Variants in COL28A1 observed in about 807,000 individuals in gnomAD.
COL28A1 encodes collagen alpha-1(XXVIII) chain.
COL28A1 carries 161 observed loss-of-function variants against 150.2 expected under a neutral mutation model. The ratio of observed to expected loss-of-function variants is 1.07; its 90% CI spans 0.94 to 1.22. The LOEUF (loss-of-function observed/expected upper bound fraction) is 1.22, where lower values mean the gene tolerates loss of function less well. COL28A1 is among the 50% of genes most tolerant of loss of function. The pLI is 0.00. For synonymous variants in COL28A1, 552 were observed against 469.7 expected, an observed-to-expected ratio of 1.18 and a Z score of -2.26; for missense variants, 1,617 against 1,388.3, an observed-to-expected ratio of 1.16 and a Z score of -2.62.
At chr7:7,446,620 A>G (rs1786282194) in intron 18 of COL28A1, among the ~76,000 whole-genome samples, 1 of 152,362 alleles carries the variant, frequency 6.6e-6, no homozygotes, top group African/African-American at 2.4e-5. Flanking sequence ...TGAGGCTTAT[A>G]AAGCCTTTTC....
intron 11 of COL28A1, among the ~76,000 whole-genome samples, chr7:7,497,094 A>G (rs200942341): frequency 0.063 from 7,788 of 123,346 alleles, 392 homozygotes; most frequent in African/African-American, 0.15. Context: ...AGGAAGGAAG[A>G]AAGGAAGGAA....
At chr7:7,514,995 A>ACCT (rs1781343606) in intron 8 of COL28A1, among the ~76,000 whole-genome samples, 1 of 151,944 alleles carries the variant, frequency 6.6e-6, no homozygotes, top group Non-Finnish European at 1.5e-5. Flanking sequence ...GGAAGCACAG[A>ACCT]CCTCCTGCAG....
chr7:7,403,192 TC>T (rs71010979), intron 27 of COL28A1, among the ~76,000 whole-genome samples: 23,353 of 151,982 alleles, frequency 0.15, 1,971 homozygotes, highest in African/African-American at 0.22. Context: ...AAGGGATCTT[TC>T]CAAGAAGAGG....
At chr7:7,353,799 T>G (rs1160179168), downstream of COL28A1, among the ~76,000 whole-genome samples, 1 of 152,114 alleles carries the variant, frequency 6.6e-6, no homozygotes, top group Non-Finnish European at 1.5e-5. Flanking sequence ...GAAATGTAAG[T>G]ACTTTTTCTC....
Position 7,380,322 on chromosome 7 carries a change from C to T in COL28A1, c.2322+338G>A, listed in dbSNP as rs551846773. ...AAAGAGTCCTCATTCTAAAATGAGA[C>T]GAACCACATAAATTAAAGTCATTTG... On this transcript the variant is annotated intron_variant, in intron 30 of 34. Coordinates refer to ENST00000399429, the MANE Select transcript of COL28A1 (RefSeq NM_001037763.3). Among the ~76,000 whole-genome samples the T allele has an allele frequency of 1.4e-4, 21 of 152,258 alleles. 1 individual carries two copies. The highest frequency in any genetic ancestry group is 1.2e-3 in the South Asian group (6 of 4,826).
Position 7,471,215 on chromosome 7 carries a change from A to G in COL28A1, c.1302+3386T>C, listed in dbSNP as rs192895764. Among the ~76,000 whole-genome samples the G allele has an allele frequency of 4.4e-3, 673 of 152,006 alleles. 5 individuals carry two copies. The highest frequency in any genetic ancestry group is 0.022 in the East Asian group (113 of 5,166). On this transcript the variant is annotated intron_variant, in intron 15 of 34. Transcript: ENST00000399429. ...TCTTAACAGACCAATAACAAGCAGT[A>G]AGACTGAAATGGTAATTTTAAAATT...
At chr7:7,401,737 T>C (rs933114081) in intron 27 of COL28A1, among the ~76,000 whole-genome samples, 4 of 152,160 alleles carry the variant, frequency 2.6e-5, no homozygotes, top group Admixed American at 2.6e-4. Context: ...TGTCCCCTTA[T>C]AGCCCATTTG....
intron 7 of COL28A1, 150 bp from the exon 8 acceptor site, chr7:7,515,990 T>G (rs1223545602): frequency 1.8e-6 from 1 of 549,852 alleles, no homozygotes; most frequent in African/African-American, 2.0e-5. Context: ...GTTCCACTTC[T>G]CTTTGTGCTT....
At chr7:7,418,275 C>A (rs914809259) in intron 26 of COL28A1, among the ~76,000 whole-genome samples, 1 of 152,194 alleles carries the variant, frequency 6.6e-6, no homozygotes. Context: ...CATATGAAAA[C>A]CACTGACATG....
chr7:7,473,452 C>T (rs55672023), intron 15 of COL28A1, among the ~76,000 whole-genome samples: 132 of 152,190 alleles, frequency 8.7e-4, no homozygotes, highest in African/African-American at 3.1e-3. Context: ...ACATCACTAA[C>T]GATCAGAGAA....
At chr7:7,372,340 A>G (rs1460719079) in intron 32 of COL28A1, among the ~76,000 whole-genome samples, 2 of 151,862 alleles carry the variant, frequency 1.3e-5, no homozygotes, top group Non-Finnish European at 2.9e-5. Flanking sequence ...CAGAGGTTGC[A>G]GTGAGCTGAG....
downstream of COL28A1, among the ~76,000 whole-genome samples, chr7:7,353,062 G>A (rs1780267431): frequency 6.6e-6 from 1 of 152,178 alleles, no homozygotes; most frequent in Non-Finnish European, 1.5e-5. Flanking sequence ...AGATCCCCAT[G>A]GAAAAGTAAA....
intron 31 of COL28A1, 97 bp downstream of exon 31, chr7:7,375,364 A>C: frequency 8.8e-7 from 1 of 1,138,292 alleles, no homozygotes; most frequent in South Asian, 2.6e-5. Context: ...CCCGCTAGCT[A>C]TATAATATAC....
chr7:7,466,142 C>T (rs1018509882), intron 15 of COL28A1, among the ~76,000 whole-genome samples: 9 of 132,900 alleles, frequency 6.8e-5, no homozygotes, highest in South Asian at 5.3e-4. Flanking sequence ...AGGCTTCAGA[C>T]GATCAAATTA....
At chr7:7,463,104 A>G (rs961708983) in intron 15 of COL28A1, among the ~76,000 whole-genome samples, 2 of 152,208 alleles carry the variant, frequency 1.3e-5, no homozygotes, top group Admixed American at 6.5e-5. Context: ...TTTGAAAAAT[A>G]TATTTGGAGG....
At chr7:7,474,056 C>CTCTATATATATGGAATATATATA (rs1554281215) in intron 15 of COL28A1, among the ~76,000 whole-genome samples, 2 of 139,956 alleles carry the variant, frequency 1.4e-5, no homozygotes, top group African/African-American at 5.3e-5. Context: ...ACTATATACT[C>CTCTATATATATGGAATATATATA]TATATATATA....
At chr7:7,351,211 G>A (rs147633963), downstream of COL28A1, among the ~76,000 whole-genome samples, 9 of 152,242 alleles carry the variant, frequency 5.9e-5, no homozygotes, top group East Asian at 7.7e-4. Context: ...CAGAGGGCAC[G>A]CTCAGAATTA....
rs947784832 is a variant in COL28A1 at position 7,358,735 on chromosome 7, T to C, written c.3276A>G (p.Lys1092=). The C allele has an allele frequency of 4.3e-6, 7 of 1,613,932 alleles. No individual in the cohort carries two copies. The African/African-American group carries it at 9.3e-5, about 22-fold the overall frequency. ...AAAATCGGGCACAAGAGTTGACCTG[T>C]TTGTCATAATACCATCGAACCACAT... ...GEYVVRWYYD[K]QVNSCARFWF... is the part of the protein sequence containing the mutation. The change falls in exon 35 of 35, where the codon AAA becomes AAG. Residue 1092 remains lysine (K), a synonymous_variant. Transcript: ENST00000399429.
the COL28A1 span, among the ~76,000 whole-genome samples, chr7:7,349,129 G>A: frequency 6.6e-6 from 1 of 151,852 alleles, no homozygotes; most frequent in South Asian, 2.1e-4. Context: ...TTTGACATAT[G>A]GACCTTAAAG....
Sources: gnomAD v4.1 joint callset for allele counts (sites outside exome capture counted in the v4.1 genomes callset) on GRCh38, gnomAD v4.1.1 for gene constraint, MANE v1.5 for transcripts, NCBI Gene and HGNC (gene_info 2026-07-23, HGNC 2026-07-21) for gene names.